The following SLC29A1 variants were observed in gnomAD, a reference collection of about 807,000 sequenced individuals.
SLC29A1 encodes solute carrier family 29 member 1 (Augustine blood group).
SLC29A1 carries 22 observed loss-of-function variants against 48.3 expected under a neutral mutation model. The ratio of observed to expected loss-of-function variants is 0.46; its 90% confidence interval spans 0.33 to 0.65. The LOEUF is 0.65. Among genes scored for constraint, SLC29A1 ranks in the 30% least tolerant of loss-of-function variants. The pLI is 0.03. For missense variants in SLC29A1, 491 were observed against 575.3 expected (o/e 0.85, Z 1.50); for synonymous variants, 228 against 231.0 (o/e 0.99, Z 0.12).
chr6:44,223,741 C>T lies in SLC29A1; in HGVS notation c.-52+100C>T, dbSNP rs1776792326. The T allele has an allele frequency of 2.9e-6, 3 of 1,041,730 alleles. No individual in the cohort carries two copies. The highest frequency in any genetic ancestry group is 2.7e-5 in the South Asian group (1 of 37,408). 64.5% of individuals were successfully genotyped at this position (1,041,730 alleles called of 1,614,324 possible). On this transcript the variant is annotated intron_variant, in intron 1 of 12. Coordinates refer to ENST00000371755, the MANE Select transcript of SLC29A1 (RefSeq NM_001372327.1). This position sits in a 1 kb window ranked among gnomAD's most constrained non-coding sequence, Gnocchi z 5.0. Reference sequence around the variant, plus strand: ...GGCAGGGAGGGCGGGCCTGACGGCTCCGCAGCCCGGAGAAGGGACGCCGGG... The same window carrying T: ...GGCAGGGAGGGCGGGCCTGACGGCTTCGCAGCCCGGAGAAGGGACGCCGGG...
In SLC29A1 at chr6:44,229,953, CT is replaced by C; in HGVS notation, c.362del (p.Leu121ArgfsTer4). ...CCTGGGCAGCCTGGTGGCCATCCTGCTGGTGTTTCTGATCACTGCCATCCTG... is the reference window on the plus strand; with the variant it reads ...CCTGGGCAGCCTGGTGGCCATCCTGCGGTGTTTCTGATCACTGCCATCCTG... ...RILGSLVAIL[L>X]VFLITAILVK... On this transcript the variant is annotated frameshift_variant, in exon 5 of 13. Transcript: ENST00000371755. LOFTEE classifies it high-confidence loss of function. This position sits in a 1 kb window ranked among gnomAD's most constrained non-coding sequence, Gnocchi z 5.1. 6.2e-7 allele frequency: 1 copy of C among 1,613,440 alleles called. No homozygotes were observed. The highest frequency in any genetic ancestry group is 8.5e-7 in the Non-Finnish European group (1 of 1,180,006).
At chr6:44,220,135 A>G (rs1412649217), upstream of SLC29A1, among the ~76,000 whole-genome samples, 1 of 152,014 alleles carries the variant, frequency 6.6e-6, no homozygotes, top group Non-Finnish European at 1.5e-5. Context: ...CTGTGAACAC[A>G]CCTGTCTTTA....
At chr6:44,222,737 A>G (rs1053110461), upstream of SLC29A1, among the ~76,000 whole-genome samples, 3 of 152,224 alleles carry the variant, frequency 2.0e-5, no homozygotes, top group African/African-American at 7.2e-5. Context: ...TAGCTAGTGA[A>G]AGACATACTC....
At chr6:44,221,599 CTCAGGGAGGGAGA>C (rs1452983972), upstream of SLC29A1, 9 of 1,288,740 alleles carry the variant, frequency 7.0e-6, no homozygotes, top group Non-Finnish European at 8.1e-6. The surrounding 1 kb of genome is among the most constrained non-coding windows in gnomAD (Gnocchi z 4.2). Context: ...CCTGAGGGAG[CTCAGGGAGGGAGA>C]GAAGCCAGAA....
chr6:44,223,626 A>G lies in SLC29A1; in HGVS notation c.-67A>G. 4 of 1,210,642 alleles carry G rather than the reference A, an allele frequency of 3.3e-6. No individual in the cohort carries two copies. In the South Asian group the frequency reaches 4.1e-5, roughly 13 times the overall value. The allele number at this position is 1,210,642 out of a possible 1,614,324, so 75.0% of individuals were successfully genotyped here. A position where few individuals can be genotyped will look rare whatever the true frequency, so the allele number is the denominator to read the frequency against. ...AGCGCGCGGATCTCAGCGCGGGAGCAGTGCTTCTGCGGCAGGTGCTGCCCG... is the reference window on the plus strand; with the variant it reads ...AGCGCGCGGATCTCAGCGCGGGAGCGGTGCTTCTGCGGCAGGTGCTGCCCG... On this transcript the variant is annotated 5_prime_UTR_variant, in exon 1 of 13. Coordinates refer to ENST00000371755, the MANE Select transcript of SLC29A1 (RefSeq NM_001372327.1). This position sits in a 1 kb window ranked among gnomAD's most constrained non-coding sequence, Gnocchi z 5.0.
intron 1 of SLC29A1, 103 bp from the exon 2 acceptor site, chr6:44,227,160 C>A: frequency 7.1e-7 from 1 of 1,407,806 alleles, no homozygotes; most frequent in Non-Finnish European, 9.6e-7. Context: ...CTGGACTCCT[C>A]CACTGGCCTG....
rs1779356805 is a variant in SLC29A1, at chr6:44,233,500, T to C, written c.1343T>C (p.Phe448Ser). The change falls in exon 13 of 13, where the codon TTC becomes TCC. Residue 448 changes from phenylalanine (F) to serine (S), a missense_variant. Phe to Ser is a radical substitution (Grantham distance 155). Coordinates refer to ENST00000371755, the MANE Select transcript of SLC29A1 (RefSeq NM_001372327.1). ...CTGGGTCTGGCACTGGGGGCTGTTT[T>C]CTCCTTCCTGTTCCGGGCAATTGTG... Reference protein sequence around the residue: ...LCLGLALGAVFSFLFRAIV With the variant: ...LCLGLALGAVSSFLFRAIV 1 of 1,613,912 alleles carries C rather than the reference T, an allele frequency of 6.2e-7. No homozygotes were observed. Among genetic ancestry groups the C allele is most frequent in the African/African-American group, 1.3e-5 (1 of 74,928 alleles).
At chr6:44,221,800 C>T, upstream of SLC29A1, 1 of 395,892 alleles carries the variant, frequency 2.5e-6, no homozygotes, top group Non-Finnish European at 4.7e-6. The surrounding 1 kb of genome is among the most constrained non-coding windows in gnomAD (Gnocchi z 4.2). Flanking sequence ...AGGATGGATG[C>T]CAGACGGACT....
At position 44,233,618 on chromosome 6, in the gene SLC29A1, GTTT is replaced by G. The variant is rs980923239; in HGVS notation, c.*94_*96del. 6 of 1,068,540 alleles carry G rather than the reference GTTT, an allele frequency of 5.6e-6. No individual in the cohort carries two copies. Among genetic ancestry groups the G allele is most frequent in the Non-Finnish European group, 8.6e-6 (6 of 696,432 alleles). 66.2% of individuals were successfully genotyped at this position (1,068,540 alleles called of 1,614,324 possible). A position where few individuals can be genotyped will look rare whatever the true frequency, so the allele number is the denominator to read the frequency against. ...AGGGGTGATCCTGAGTGGTCTGGCG[GTTT>G]TTTCTTCTAACTGACTTCTGCTTTC... On this transcript the variant is annotated 3_prime_UTR_variant, in exon 13 of 13. Coordinates refer to ENST00000371755, the MANE Select transcript of SLC29A1 (RefSeq NM_001372327.1).
At position 44,232,358 on chromosome 6, in the gene SLC29A1, C is replaced by T. The variant is rs1176818491; in HGVS notation, c.989C>T (p.Pro330Leu). Residue 330 changes from proline (P) to leucine (L), a missense_variant, in exon 11 of 13, where the codon CCT (proline) becomes CTT (leucine). Transcript: ENST00000371755. This position sits in a 1 kb window ranked among gnomAD's most constrained non-coding sequence, Gnocchi z 4.7. ...CCTCTTCCAGAACGTTACTTCATTC[C>T]TGTGTCCTGTTTCTTGACTTTCAAT... is the stretch of plus-strand genomic sequence containing the variant. ...GSSTWERYFI[P>L]VSCFLTFNIF... 7 of 1,612,936 alleles carry T rather than the reference C, an allele frequency of 4.3e-6. No individual in the cohort carries two copies. Among genetic ancestry groups the T allele is most frequent in the Non-Finnish European group, 5.1e-6 (6 of 1,178,916 alleles).
Position 44,223,987 on chromosome 6 carries a change from T to C in SLC29A1, c.-52+346T>C. On this transcript the variant is annotated intron_variant, in intron 1 of 12. Transcript: ENST00000371755. The surrounding 1 kb of genome is among the most constrained non-coding windows in gnomAD (Gnocchi z 5.0). The stretch of plus-strand genomic sequence containing the variant: ...ATCAGGGAGGGGCCGTGCCGCTGAC[T>C]GCGCTGGCGGAGGGGTATGGGGATG... 13 of 975,560 alleles carry C rather than the reference T, an allele frequency of 1.3e-5. No individual in the cohort carries two copies. Among genetic ancestry groups the C allele is most frequent in the South Asian group, 4.7e-5 (1 of 21,096 alleles). 60.4% of individuals were successfully genotyped at this position (975,560 alleles called of 1,614,324 possible). A position where few individuals can be genotyped will look rare whatever the true frequency, so the allele number is the denominator to read the frequency against.
At chr6:44,226,963 C>G in intron 1 of SLC29A1, 1 of 1,133,648 alleles carries the variant, frequency 8.8e-7, no homozygotes, top group Non-Finnish European at 1.1e-6. Flanking sequence ...TGCTCTCCAC[C>G]CTCCTGTTTC....
intron 8 of SLC29A1, among the ~76,000 whole-genome samples, 186 bp downstream of exon 8, chr6:44,231,075 G>C (rs1173083153): frequency 1.3e-5 from 2 of 152,212 alleles, no homozygotes; most frequent in Non-Finnish European, 2.9e-5. Flanking sequence ...AATGGGGGCA[G>C]ATCCTGGATG....
At position 44,223,826 on chromosome 6, in the gene SLC29A1, G is replaced by A; in HGVS notation, c.-52+185G>A. On this transcript the variant is annotated intron_variant, in intron 1 of 12. Coordinates refer to ENST00000371755, the MANE Select transcript of SLC29A1 (RefSeq NM_001372327.1). The surrounding 1 kb of genome is among the most constrained non-coding windows in gnomAD (Gnocchi z 5.0). ...GCACGTGGCGCGCACGGGCCAGGGAGCCTGAGGACCCTGCGGGGACCGGGA... is the reference window on the plus strand; with the variant it reads ...GCACGTGGCGCGCACGGGCCAGGGAACCTGAGGACCCTGCGGGGACCGGGA... The A allele has an allele frequency of 9.9e-7, 1 of 1,009,358 alleles. No homozygotes were observed. The highest frequency in any genetic ancestry group is 1.7e-5 in the African/African-American group (1 of 57,460). The allele number at this position is 1,009,358 out of a possible 1,614,324, so 62.5% of individuals were successfully genotyped here.
At chr6:44,228,828 G>A (rs1328937267) in intron 2 of SLC29A1, among the ~76,000 whole-genome samples, 1 of 152,218 alleles carries the variant, frequency 6.6e-6, no homozygotes, top group Non-Finnish European at 1.5e-5. Flanking sequence ...GTTCTATTTG[G>A]CCAGGAAGAA....
chr6:44,231,836 C>G (rs1455740911), intron 9 of SLC29A1, among the ~76,000 whole-genome samples, 162 bp from the exon 10 acceptor site: 1 of 152,192 alleles, frequency 6.6e-6, no homozygotes, highest in African/African-American at 2.4e-5. Context: ...CCAGGTCAAG[C>G]TGGTCTCAAA....
chr6:44,233,875 T>C lies in SLC29A1; in HGVS notation c.*347T>C. ...CTGTGTATGTGTCTGTGTGTCTGCG[T>C]CCGTGTCTGTCAGACTGTCTGCCTG... On this transcript the variant is annotated 3_prime_UTR_variant, in exon 13 of 13. Coordinates refer to ENST00000371755, the MANE Select transcript of SLC29A1 (RefSeq NM_001372327.1). 3.8e-6 allele frequency: 1 copy of C among 260,090 alleles called. No homozygotes were observed. The highest frequency in any genetic ancestry group is 7.5e-6 in the Non-Finnish European group (1 of 133,442). 16.1% of individuals were successfully genotyped at this position (260,090 alleles called of 1,614,324 possible).
intron 12 of SLC29A1, 81 bp from the exon 13 acceptor site, chr6:44,233,336 C>T (rs2153308901): frequency 2.5e-6 from 3 of 1,216,262 alleles, no homozygotes; most frequent in East Asian, 2.3e-5. Context: ...AGTTGCTCCA[C>T]CCCACCCCTC....
chr6:44,222,777 G>C (rs1457231077), upstream of SLC29A1, among the ~76,000 whole-genome samples: 1 of 152,240 alleles, frequency 6.6e-6, no homozygotes, highest in Non-Finnish European at 1.5e-5. Context: ...AGGATGGCTG[G>C]GACAATAGGA....
Sources: allele counts gnomAD v4.1 joint callset (sites outside exome capture counted in the v4.1 genomes callset), GRCh38; gene constraint gnomAD v4.1.1; non-coding constraint Gnocchi (gnomAD v3.1); transcripts MANE v1.5; gene names NCBI Gene and HGNC (gene_info 2026-07-23, HGNC 2026-07-21).